PCSK5: variants seen among roughly 807,000 people sequenced by gnomAD.
The protein encoded by PCSK5 is prohormone convertase 5.
In PCSK5, 129 loss-of-function variants were observed where a neutral mutation model predicts 233.2. The observed-to-expected ratio is 0.55, with a 90% confidence interval of 0.48 to 0.64. The LOEUF (loss-of-function observed/expected upper bound fraction) is 0.64. Among genes scored for constraint, PCSK5 ranks in the 30% least tolerant of loss-of-function variants. PCSK5 has a pLI of 0.00. For missense variants in PCSK5, 2,076 were observed against 2,430.1 expected (o/e 0.85, Z 3.06); for synonymous variants, 825 against 879.2 (o/e 0.94, Z 1.09).
At chr9:76,063,319 C>CTTTTTTTTTT (rs1157596601) in intron 5 of PCSK5, among the ~76,000 whole-genome samples, 14 of 59,700 alleles carry the variant, frequency 2.3e-4, no homozygotes, top group Non-Finnish European at 3.0e-4. Flanking sequence ...TTTCTTTTTT[C>CTTTTTTTTTT]TTTTTTTTTT....
chr9:75,911,457 A>G (rs1291601310), intron 1 of PCSK5, among the ~76,000 whole-genome samples: 1 of 152,054 alleles, frequency 6.6e-6, no homozygotes, highest in African/African-American at 2.4e-5. Context: ...TGCCCACACT[A>G]TGCTGAGCAC....
intron 5 of PCSK5, among the ~76,000 whole-genome samples, chr9:76,028,266 C>T (rs774945942): frequency 6.6e-6 from 1 of 152,184 alleles, no homozygotes; most frequent in Non-Finnish European, 1.5e-5. Flanking sequence ...GTGGGTTCAC[C>T]TTGCCTGCTG....
At position 76,192,201 on chromosome 9, in the gene PCSK5, G is replaced by T. The variant is rs577031884; in HGVS notation, c.2626+2455G>T. 2.6e-5 allele frequency among the ~76,000 whole-genome samples: 4 copies of T among 152,172 alleles called. No individual in the cohort carries two copies. In the East Asian group the frequency reaches 7.7e-4, roughly 29 times the overall value. On this transcript the variant is annotated intron_variant, in intron 20 of 37. Transcript: ENST00000674117. ...GCTTTAACTACTTTCCCTAAACCAT[G>T]GTGAGCACTGGATAAGTTATGTCAA...
At chr9:76,171,068 G>C (rs886614066) in intron 13 of PCSK5, among the ~76,000 whole-genome samples, 5 of 152,206 alleles carry the variant, frequency 3.3e-5, no homozygotes, top group African/African-American at 1.2e-4. Flanking sequence ...CCAGAATGCA[G>C]CCTGAATATA....
intron 37 of PCSK5, 93 bp downstream of exon 37, chr9:76,354,312 A>C (rs1830243557): frequency 2.1e-6 from 2 of 964,456 alleles, no homozygotes; most frequent in Non-Finnish European, 1.5e-6. Flanking sequence ...AGTTCAGGAG[A>C]ATCAATATGG....
chr9:76,267,850 G>A (rs1827382921), intron 24 of PCSK5, among the ~76,000 whole-genome samples: 1 of 151,998 alleles, frequency 6.6e-6, no homozygotes, highest in African/African-American at 2.4e-5. Context: ...CTTTAAGAAT[G>A]GATACAAGGA....
chr9:76,236,897 G>T (rs538659799), intron 22 of PCSK5, among the ~76,000 whole-genome samples: 2 of 152,254 alleles, frequency 1.3e-5, no homozygotes, highest in Non-Finnish European at 2.9e-5. Context: ...GATCCAGTTG[G>T]ATATAGGGGA....
chr9:76,054,298 C>T (rs531546357), intron 5 of PCSK5, among the ~76,000 whole-genome samples: 1 of 152,278 alleles, frequency 6.6e-6, no homozygotes, highest in South Asian at 2.1e-4. Context: ...TTCCTTGCAA[C>T]ATTATATTTG....
At chr9:76,145,445 C>T (rs1587684581) in intron 10 of PCSK5, among the ~76,000 whole-genome samples, 1 of 152,260 alleles carries the variant, frequency 6.6e-6, no homozygotes, top group African/African-American at 2.4e-5. Context: ...CCATGATTAT[C>T]GTCAACCTGT....
At chr9:76,007,825 T>TGTGTGA (rs1299614285) in intron 3 of PCSK5, among the ~76,000 whole-genome samples, 48 of 151,196 alleles carry the variant, frequency 3.2e-4, no homozygotes, top group Middle Eastern at 6.8e-3. Flanking sequence ...TGTGTGTGTG[T>TGTGTGA]GTGTGTGTGT....
intron 31 of PCSK5, 39 bp downstream of exon 31, chr9:76,321,678 G>A (rs1829210811): frequency 4.3e-6 from 6 of 1,404,486 alleles, no homozygotes; most frequent in Non-Finnish European, 6.0e-6. Flanking sequence ...AGGCTCTGCT[G>A]AGCCACCAGT....
chr9:76,083,061 T>C (rs1350691675), intron 7 of PCSK5, among the ~76,000 whole-genome samples: 1 of 151,696 alleles, frequency 6.6e-6, no homozygotes, highest in Non-Finnish European at 1.5e-5. Context: ...ATACAAAAAT[T>C]AGTTAGGCAT....
intron 5 of PCSK5, among the ~76,000 whole-genome samples, chr9:76,038,160 C>G (rs371234463): frequency 1.3e-5 from 2 of 152,186 alleles, no homozygotes; most frequent in Non-Finnish European, 2.9e-5. Flanking sequence ...ATCACACCCC[C>G]TCCCATGCCT....
At chr9:76,310,950 C>G in intron 30 of PCSK5, 99 bp downstream of exon 30, 1 of 785,254 alleles carries the variant, frequency 1.3e-6, no homozygotes, top group Non-Finnish European at 2.0e-6. Context: ...CTTCTCTGCT[C>G]TACGAGCACC....
chr9:76,072,684 C>T (rs1353178395), intron 7 of PCSK5, among the ~76,000 whole-genome samples: 1 of 152,132 alleles, frequency 6.6e-6, no homozygotes, highest in Non-Finnish European at 1.5e-5. Flanking sequence ...CTTCTCCTCT[C>T]TTTTACTCCT....
At chr9:75,896,358 C>T (rs1463605979) in intron 1 of PCSK5, among the ~76,000 whole-genome samples, 3 of 152,178 alleles carry the variant, frequency 2.0e-5, no homozygotes, top group Non-Finnish European at 2.9e-5. Context: ...TTTGCCTTAT[C>T]ACTGTCTTTC....
At chr9:76,314,555 C>A (rs1828963491) in intron 30 of PCSK5, among the ~76,000 whole-genome samples, 1 of 152,144 alleles carries the variant, frequency 6.6e-6, no homozygotes, top group South Asian at 2.1e-4. Context: ...AATGACACAG[C>A]ATCCAGATAT....
intron 24 of PCSK5, among the ~76,000 whole-genome samples, chr9:76,280,776 G>T (rs1457798911): frequency 6.6e-6 from 1 of 151,794 alleles, no homozygotes; most frequent in Non-Finnish European, 1.5e-5. Context: ...CTGAAATCTA[G>T]GTCTCTGGCA....
intron 10 of PCSK5, among the ~76,000 whole-genome samples, chr9:76,138,812 A>G (rs1823083682): frequency 6.6e-6 from 1 of 152,092 alleles, no homozygotes; most frequent in Non-Finnish European, 1.5e-5. Flanking sequence ...AAAAAATGTC[A>G]TTGAAAATCA....
Sources: allele counts gnomAD v4.1 joint callset (sites outside exome capture counted in the v4.1 genomes callset), GRCh38; gene constraint gnomAD v4.1.1; transcripts MANE v1.5; gene names NCBI Gene and HGNC (gene_info 2026-07-23, HGNC 2026-07-21).